The following DCLK1 variants were observed in gnomAD, a reference collection of about 807,000 sequenced individuals.
DCLK1 encodes doublecortin like kinase 1, also known as serine/threonine-protein kinase DCLK1.
A neutral mutation model predicts 86.2 loss-of-function variants in DCLK1; 16 were observed. The observed-to-expected ratio is 0.19, with a 90% CI of 0.13 to 0.28. DCLK1 has a LOEUF of 0.28. Ranked by LOEUF, DCLK1 falls within the 10% of genes least tolerant of loss-of-function variation. DCLK1 has a pLI of 1.00. For synonymous variants in DCLK1, 369 were observed against 370.5 expected (o/e 1.00, Z 0.05); for missense variants, 590 against 940.2 (o/e 0.63, Z 4.87).
intron 4 of DCLK1, among the ~76,000 whole-genome samples, chr13:35,923,504 G>C (rs1255658904): frequency 1.3e-5 from 2 of 151,966 alleles, no homozygotes; most frequent in Non-Finnish European, 2.9e-5. Context: ...CAATTCTGTG[G>C]GTGTCAGGAG....
chr13:35,834,707 G>A (rs1169085694), intron 8 of DCLK1, among the ~76,000 whole-genome samples: 2 of 152,174 alleles, frequency 1.3e-5, no homozygotes, highest in Non-Finnish European at 2.9e-5. Context: ...GGAGAGGTGG[G>A]GGAATGAGAG....
chr13:36,003,668 T>G (rs982694522), intron 3 of DCLK1, among the ~76,000 whole-genome samples: 3 of 152,166 alleles, frequency 2.0e-5, no homozygotes, highest in African/African-American at 7.2e-5. Flanking sequence ...TATTAAAGAA[T>G]ATTGATTGAA....
chr13:36,045,340 A>ATCTATATCTATATC (rs765084884), intron 3 of DCLK1, among the ~76,000 whole-genome samples: 1 of 97,002 alleles, frequency 1.0e-5, no homozygotes, highest in Non-Finnish European at 2.0e-5. Flanking sequence ...GTGTATATAT[A>ATCTATATCTATATC]TATATATATA....
chr13:36,007,976 G>T (rs1593811766), intron 3 of DCLK1, among the ~76,000 whole-genome samples: 1 of 151,818 alleles, frequency 6.6e-6, no homozygotes, highest in South Asian at 2.1e-4. Context: ...CAATCCTAAG[G>T]AGTAATTAAT....
intron 3 of DCLK1, among the ~76,000 whole-genome samples, chr13:36,006,357 T>G (rs1036174632): frequency 6.6e-6 from 1 of 152,068 alleles, no homozygotes; most frequent in Non-Finnish European, 1.5e-5. Context: ...GAACCTCTGG[T>G]TTAAACTGGG....
intron 11 of DCLK1, among the ~76,000 whole-genome samples, chr13:35,822,329 A>AT (rs1475063092): frequency 3.4e-5 from 5 of 145,558 alleles, no homozygotes; most frequent in South Asian, 2.2e-4. Flanking sequence ...AATTAAAAAA[A>AT]ATTTTTTTTG....
intron 16 of DCLK1, among the ~76,000 whole-genome samples, chr13:35,781,474 C>G (rs372821466): frequency 6.6e-6 from 1 of 152,144 alleles, no homozygotes; most frequent in Non-Finnish European, 1.5e-5. Flanking sequence ...AAACAATAGG[C>G]CTTACAGTCT....
chr13:36,098,410 T>C lies in DCLK1; in HGVS notation c.723+13459A>G, dbSNP rs554043146. On this transcript the variant is annotated intron_variant, in intron 3 of 16. Coordinates refer to ENST00000360631, the MANE Select transcript of DCLK1 (RefSeq NM_001330071.2). ...TTCTTCAGCTGATGTCAAACCAAAT[T>C]ATAAGGCAAATAGGACAAACGAAAA... is the stretch of plus-strand genomic sequence containing the variant. 2.6e-5 allele frequency among the ~76,000 whole-genome samples: 4 copies of C among 152,228 alleles called. No individual in the cohort carries two copies. In the East Asian group the frequency reaches 7.7e-4, roughly 29 times the overall value.
chr13:35,866,453 CTTTT>C (rs34793570), intron 5 of DCLK1, among the ~76,000 whole-genome samples: 13 of 134,266 alleles, frequency 9.7e-5, no homozygotes, highest in East Asian at 2.2e-4. Flanking sequence ...AACAAAGACT[CTTTT>C]TTTTTTTTTT....
intron 4 of DCLK1, among the ~76,000 whole-genome samples, chr13:35,914,785 T>C (rs1875311500): frequency 6.6e-6 from 1 of 151,938 alleles, no homozygotes; most frequent in South Asian, 2.1e-4. Flanking sequence ...TTATGAACCA[T>C]CTCACGAAAA....
intron 4 of DCLK1, among the ~76,000 whole-genome samples, chr13:35,940,084 G>A (rs1876994054): frequency 6.6e-6 from 1 of 152,124 alleles, no homozygotes; most frequent in Non-Finnish European, 1.5e-5. Context: ...AGCCGGGCAT[G>A]GTGGCATGTG....
At chr13:35,928,267 C>T (rs1593740704) in intron 4 of DCLK1, among the ~76,000 whole-genome samples, 2 of 152,142 alleles carry the variant, frequency 1.3e-5, no homozygotes, top group Admixed American at 1.3e-4. Flanking sequence ...TGGGCCGACT[C>T]CTGGTAGTTG....
At chr13:35,895,268 A>AT (rs1873887370) in intron 4 of DCLK1, among the ~76,000 whole-genome samples, 1 of 148,770 alleles carries the variant, frequency 6.7e-6, no homozygotes, top group South Asian at 2.1e-4. Context: ...CTGAATATGT[A>AT]TTTTTCTAAC....
At chr13:35,912,603 C>T (rs778814863) in intron 4 of DCLK1, among the ~76,000 whole-genome samples, 5 of 152,174 alleles carry the variant, frequency 3.3e-5, no homozygotes, top group Non-Finnish European at 7.3e-5. Flanking sequence ...GACCCCTCTC[C>T]AGCTCCCCTC....
Position 35,896,689 on chromosome 13 carries a change from G to A in DCLK1, c.824-25349C>T, listed in dbSNP as rs576726999. ...AGCTCCACAGAGAAATCATTCCCTCGTGTCTCTTCTGCACTCGGCCTTGGC... is the reference window on the plus strand; with the variant it reads ...AGCTCCACAGAGAAATCATTCCCTCATGTCTCTTCTGCACTCGGCCTTGGC... On this transcript the variant is annotated intron_variant, in intron 4 of 16. Coordinates refer to ENST00000360631, the MANE Select transcript of DCLK1 (RefSeq NM_001330071.2). Among the ~76,000 whole-genome samples, 3 of 151,224 alleles carry A rather than the reference G, an allele frequency of 2.0e-5. No individual in the cohort carries two copies. The East Asian group carries it at 5.9e-4, about 30-fold the overall frequency.
intron 3 of DCLK1, among the ~76,000 whole-genome samples, chr13:35,954,753 AAAT>A: frequency 6.6e-6 from 1 of 152,216 alleles, no homozygotes; most frequent in Admixed American, 6.5e-5. Flanking sequence ...TAAATTAGTT[AAAT>A]AATAATAATT....
At chr13:36,088,749 C>G (rs571084461) in intron 3 of DCLK1, among the ~76,000 whole-genome samples, 1 of 152,298 alleles carries the variant, frequency 6.6e-6, no homozygotes, top group South Asian at 2.1e-4. Context: ...AGAAAAAGAT[C>G]TATCTCTCTT....
intron 3 of DCLK1, among the ~76,000 whole-genome samples, chr13:35,966,151 TG>T (rs1355016031): frequency 6.6e-6 from 1 of 152,160 alleles, no homozygotes; most frequent in Non-Finnish European, 1.5e-5. Context: ...TTGGCAAGGA[TG>T]TGGGGAAACT....
At chr13:35,959,306 A>G (rs1878319660) in intron 3 of DCLK1, among the ~76,000 whole-genome samples, 1 of 152,176 alleles carries the variant, frequency 6.6e-6, no homozygotes. Flanking sequence ...ATGACTTCAA[A>G]CACCTACAGA....
Sources: gnomAD v4.1 joint callset for allele counts (sites outside exome capture counted in the v4.1 genomes callset) on GRCh38, gnomAD v4.1.1 for gene constraint, MANE v1.5 for transcripts, NCBI Gene and HGNC (gene_info 2026-07-23, HGNC 2026-07-21) for gene names.